USP49: variants seen among roughly 807,000 people sequenced by gnomAD.
USP49 encodes ubiquitin specific peptidase 49, also known as ubiquitin carboxyl-terminal hydrolase 49.
A neutral mutation model predicts 58.6 loss-of-function variants in USP49; 24 were observed. The ratio of observed to expected loss-of-function variants is 0.41; its 90% confidence interval spans 0.30 to 0.58. The LOEUF is 0.58. USP49 is among the 20% of genes least tolerant of loss of function. The pLI is 0.30. For missense variants in USP49, 703 were observed against 866.1 expected, an observed-to-expected ratio of 0.81 and a Z score of 2.36; for synonymous variants, 408 against 365.1, an observed-to-expected ratio of 1.12 and a Z score of -1.34.
chr6:41,798,996 A>G lies in USP49; in HGVS notation c.1671-67T>C, dbSNP rs1772944543. 5 of 1,532,348 alleles carry G rather than the reference A, an allele frequency of 3.3e-6. No homozygotes were observed. In the East Asian group the frequency reaches 9.1e-5, roughly 28 times the overall value. The allele number at this position is 1,532,348 out of a possible 1,614,324, so 94.9% of individuals were successfully genotyped here. ...TATATAATCGTAGGTAGAGGTAGGT[A>G]TTAATAAAACAGGAAACTGAGAAAA... On this transcript the variant is annotated intron_variant, in intron 6 of 7. Coordinates refer to ENST00000682992, the MANE Select transcript of USP49 (RefSeq NM_001286554.2).
intron 1 of USP49, among the ~76,000 whole-genome samples, chr6:41,893,113 G>A (rs1459588837): frequency 1.3e-5 from 2 of 152,170 alleles, no homozygotes; most frequent in Non-Finnish European, 2.9e-5. Context: ...CAAGCTTGCT[G>A]CAGTATTATC....
intron 3 of USP49, among the ~76,000 whole-genome samples, chr6:41,849,619 T>G (rs1330730011): frequency 6.6e-6 from 1 of 151,870 alleles, no homozygotes; most frequent in Non-Finnish European, 1.5e-5. Flanking sequence ...TTCTTTTTTT[T>G]TTTTTTGGAG....
chr6:41,820,413 T>G (rs147060597), intron 3 of USP49, among the ~76,000 whole-genome samples: 1 of 152,256 alleles, frequency 6.6e-6, no homozygotes, highest in African/African-American at 2.4e-5. Context: ...AAACTGAACA[T>G]GGACTAAGTA....
At chr6:41,829,701 G>A (rs951316927) in intron 3 of USP49, among the ~76,000 whole-genome samples, 2 of 152,180 alleles carry the variant, frequency 1.3e-5, no homozygotes, top group Non-Finnish European at 2.9e-5. Flanking sequence ...AATTAACCAG[G>A]AAGTTCAGTT....
At chr6:41,844,978 G>A (rs1773896366) in intron 3 of USP49, among the ~76,000 whole-genome samples, 1 of 152,086 alleles carries the variant, frequency 6.6e-6, no homozygotes, top group Non-Finnish European at 1.5e-5. Flanking sequence ...TCGGCTCACT[G>A]CAACCTCTGC....
At chr6:41,807,684 T>G (rs1183309545) in intron 3 of USP49, among the ~76,000 whole-genome samples, 1 of 152,024 alleles carries the variant, frequency 6.6e-6, no homozygotes, top group Non-Finnish European at 1.5e-5. Flanking sequence ...TCAGGTGATC[T>G]GCCCACCTCG....
intron 3 of USP49, among the ~76,000 whole-genome samples, chr6:41,852,361 C>CA (rs1320739234): frequency 3.9e-5 from 6 of 152,014 alleles, no homozygotes; most frequent in Admixed American, 1.3e-4. Flanking sequence ...AACGAGTTTG[C>CA]AAAAAAATTG....
intron 3 of USP49, among the ~76,000 whole-genome samples, chr6:41,865,446 C>T (rs1429019839): frequency 6.6e-6 from 1 of 152,094 alleles, no homozygotes; most frequent in Admixed American, 6.6e-5. Flanking sequence ...TTTATTGTTA[C>T]GCTGGGGTTC....
At chr6:41,889,415 A>G (rs759505476) in intron 2 of USP49, among the ~76,000 whole-genome samples, 3 of 152,152 alleles carry the variant, frequency 2.0e-5, no homozygotes, top group Non-Finnish European at 4.4e-5. Context: ...TAAAATATGT[A>G]TTTCACCTAA....
intron 2 of USP49, chr6:41,887,153 C>T (rs1774726775): frequency 1.3e-5 from 2 of 152,204 alleles, no homozygotes; most frequent in African/African-American, 4.8e-5. Flanking sequence ...ATGCTAAAGC[C>T]AAGCTATAAA....
chr6:41,841,273 T>C lies in USP49; in HGVS notation c.-29+30291A>G, dbSNP rs1007285389. Among the ~76,000 whole-genome samples, 10 of 152,206 alleles carry C rather than the reference T, an allele frequency of 6.6e-5. No homozygotes were observed. The East Asian group carries it at 1.9e-3, about 29-fold the overall frequency. ...TTCAGAAAATAATTTGGATATCTAT[T>C]AGGCATTCTGTGGGCCCTAGAAATA... On this transcript the variant is annotated intron_variant, in intron 3 of 7. Coordinates refer to ENST00000682992, the MANE Select transcript of USP49 (RefSeq NM_001286554.2).
intron 3 of USP49, among the ~76,000 whole-genome samples, chr6:41,858,519 A>G (rs980447091): frequency 6.6e-6 from 1 of 152,052 alleles, no homozygotes; most frequent in Non-Finnish European, 1.5e-5. Flanking sequence ...ATCAGGCCCT[A>G]GATGCTAAGA....
intron 3 of USP49, among the ~76,000 whole-genome samples, chr6:41,815,016 A>G (rs1773323560): frequency 6.6e-6 from 1 of 152,252 alleles, no homozygotes; most frequent in South Asian, 2.1e-4. Flanking sequence ...ATAAATGTTA[A>G]AAATGAATTT....
chr6:41,854,583 T>C (rs1774092546), intron 3 of USP49, among the ~76,000 whole-genome samples: 1 of 152,212 alleles, frequency 6.6e-6, no homozygotes, highest in Non-Finnish European at 1.5e-5. Context: ...TAAGAGATTA[T>C]ATGTCTCCAA....
chr6:41,851,531 C>T (rs1053002394), intron 3 of USP49, among the ~76,000 whole-genome samples: 10 of 152,150 alleles, frequency 6.6e-5, no homozygotes, highest in African/African-American at 2.4e-4. Flanking sequence ...TAATATCATA[C>T]TCAGTGGTGA....
chr6:41,795,717 T>G lies in USP49; in HGVS notation c.*816A>C, dbSNP rs1273088479. 6.6e-6 allele frequency: 1 copy of G among 152,242 alleles called. No homozygotes were observed. The highest frequency in any genetic ancestry group is 1.5e-5 in the Non-Finnish European group (1 of 68,050). 9.4% of individuals were successfully genotyped at this position (152,242 alleles called of 1,614,324 possible). ...AAGAATCAATTTAAACCAAACCATGTGCTTGCCCTAGACCTGAACCAGGGA... is the reference window on the plus strand; with the variant it reads ...AAGAATCAATTTAAACCAAACCATGGGCTTGCCCTAGACCTGAACCAGGGA... On this transcript the variant is annotated 3_prime_UTR_variant, in exon 8 of 8. Coordinates refer to ENST00000682992, the MANE Select transcript of USP49 (RefSeq NM_001286554.2).
chr6:41,857,830 G>A (rs1221383477), intron 3 of USP49, among the ~76,000 whole-genome samples: 2 of 152,170 alleles, frequency 1.3e-5, no homozygotes, highest in Non-Finnish European at 2.9e-5. Context: ...GGCATTACAT[G>A]CATACTTACA....
chr6:41,868,463 G>C (rs1241730241), intron 3 of USP49, among the ~76,000 whole-genome samples: 1 of 152,032 alleles, frequency 6.6e-6, no homozygotes, highest in Non-Finnish European at 1.5e-5. Flanking sequence ...GAGTAGCTGG[G>C]ATTACAGGCA....
intron 2 of USP49, among the ~76,000 whole-genome samples, chr6:41,885,358 C>G (rs756085629): frequency 6.6e-6 from 1 of 152,134 alleles, no homozygotes; most frequent in Non-Finnish European, 1.5e-5. Context: ...TTAGATGTCT[C>G]CTAATGAAAG....
Sources: allele counts gnomAD v4.1 joint callset (sites outside exome capture counted in the v4.1 genomes callset), GRCh38; gene constraint gnomAD v4.1.1; transcripts MANE v1.5; gene names NCBI Gene and HGNC (gene_info 2026-07-23, HGNC 2026-07-21).